FAAP100: variants seen among roughly 807,000 people sequenced by gnomAD.
FAAP100 encodes the protein Fanconi anemia core complex-associated protein 100.
A neutral mutation model predicts 65.8 loss-of-function variants in FAAP100; 46 were observed. The ratio of observed to expected loss-of-function variants is 0.70; its 90% CI spans 0.55 to 0.89. The LOEUF is 0.89. Ranked by LOEUF, FAAP100 falls within the 40% of genes least tolerant of loss-of-function variation. The probability of loss-of-function intolerance (pLI) is 0.00; values close to 1 mark genes in which losing one functional copy is unlikely to be tolerated. For missense variants in FAAP100, 1,165 were observed against 1,196.7 expected, an observed-to-expected ratio of 0.97 and a Z score of 0.39; for synonymous variants, 663 against 555.1, an observed-to-expected ratio of 1.19 and a Z score of -2.73.
chr17:81,541,492 G>GCTGC, intron 7 of FAAP100, 97 bp from the exon 8 acceptor site: 1 of 1,077,350 alleles, frequency 9.3e-7, no homozygotes, highest in Non-Finnish European at 1.4e-6. Flanking sequence ...GCTGCCTGGT[G>GCTGC]CTGCCTCCCT....
chr17:81,543,368 C>A (rs1466565201), intron 7 of FAAP100, among the ~76,000 whole-genome samples: 7 of 152,184 alleles, frequency 4.6e-5, no homozygotes, highest in African/African-American at 7.2e-5. Flanking sequence ...TGCAGACCCA[C>A]CATATGGGCC....
At chr17:81,543,074 T>C (rs1237203931) in intron 7 of FAAP100, among the ~76,000 whole-genome samples, 1 of 152,212 alleles carries the variant, frequency 6.6e-6, no homozygotes, top group Non-Finnish European at 1.5e-5. Flanking sequence ...ACAGGGTCCT[T>C]GCACCAAATG....
rs756218159 is a variant in FAAP100, at chr17:81,547,089, C to A, written c.1993G>T (p.Ala665Ser). The A allele has an allele frequency of 7.2e-6, 11 of 1,533,138 alleles. No individual in the cohort carries two copies. The African/African-American group carries it at 1.1e-4, about 15-fold the overall frequency. 95.0% of individuals were successfully genotyped at this position (1,533,138 alleles called of 1,614,324 possible). A position where few individuals can be genotyped will look rare whatever the true frequency, so the allele number is the denominator to read the frequency against. Reference sequence around the variant, plus strand: ...CGGGTGGGGCCGAGTGGGGAGGGGGCCCGTGTGTGTGGCGGGGCCAGGCCA... The same window carrying A: ...CGGGTGGGGCCGAGTGGGGAGGGGGACCGTGTGTGTGGCGGGGCCAGGCCA... ...FPGLAPPHTR[A>S]PSPLGPTRDP... The change falls in exon 5 of 9, where the codon GCC (alanine) becomes TCC (serine). Residue 665 changes from alanine (A) to serine (S), a missense_variant. By Grantham distance (99) the Ala-to-Ser change is moderately conservative (BLOSUM62 1). Coordinates refer to ENST00000327787, the MANE Select transcript of FAAP100 (RefSeq NM_025161.6).
intron 8 of FAAP100, 69 bp from the exon 9 acceptor site, chr17:81,541,019 G>T (rs2033074796): frequency 1.4e-6 from 2 of 1,481,212 alleles, no homozygotes; most frequent in African/African-American, 2.8e-5. Context: ...TACCTCTGGG[G>T]GACCCACCAC....
At chr17:81,544,547 G>C (rs2033229093) in intron 6 of FAAP100, among the ~76,000 whole-genome samples, 1 of 152,232 alleles carries the variant, frequency 6.6e-6, no homozygotes, top group African/African-American at 2.4e-5. Context: ...TCTGGCAGCA[G>C]GGTTAGGGCA....
chr17:81,541,164 C>A, intron 8 of FAAP100, 145 bp downstream of exon 8: 1 of 1,108,158 alleles, frequency 9.0e-7, no homozygotes, highest in Non-Finnish European at 1.3e-6. Flanking sequence ...GAGCCATGGC[C>A]GCTCGGACTT....
intron 2 of FAAP100, among the ~76,000 whole-genome samples, chr17:81,551,528 C>T (rs886951492): frequency 6.6e-6 from 1 of 152,222 alleles, no homozygotes; most frequent in Non-Finnish European, 1.5e-5. Context: ...TGAAGACAGG[C>T]CTGGCTGCCC....
At chr17:81,544,176 G>T in intron 6 of FAAP100, 56 bp from the exon 7 acceptor site, 2 of 1,442,618 alleles carry the variant, frequency 1.4e-6, no homozygotes, top group Non-Finnish European at 1.9e-6. Flanking sequence ...CTGCCCGGGG[G>T]GCTCAGGCTA....
Position 81,547,675 on chromosome 17 carries a change from C to T in FAAP100, c.1407G>A (p.Val469=), listed in dbSNP as rs144435855. 1.2e-6 allele frequency: 2 copies of T among 1,609,748 alleles called. No homozygotes were observed. The highest frequency in any genetic ancestry group is 2.7e-5 in the African/African-American group (2 of 74,894). The change falls in exon 5 of 9, where the codon GTG becomes GTA. Residue 469 remains valine (V), a synonymous_variant. Coordinates refer to ENST00000327787, the MANE Select transcript of FAAP100 (RefSeq NM_025161.6). Reference sequence around the variant, plus strand: ...GGTCAACCGCCTTCTTTAGAAAAGACACTCTGCGAAGGACAGACATGACCC... The same window carrying T: ...GGTCAACCGCCTTCTTTAGAAAAGATACTCTGCGAAGGACAGACATGACCC... ...LSGIGNISER[V]SFLKKAVDQR...
intron 3 of FAAP100, 93 bp from the exon 4 acceptor site, chr17:81,549,455 T>C (rs984326896): frequency 1.4e-6 from 2 of 1,463,486 alleles, no homozygotes; most frequent in Non-Finnish European, 1.8e-6. Context: ...AGGAAAGAAG[T>C]TGGAAGACGG....
At chr17:81,548,171 C>T (rs1598597174) in intron 4 of FAAP100, 1 of 595,158 alleles carries the variant, frequency 1.7e-6, no homozygotes, top group Non-Finnish European at 3.0e-6. Flanking sequence ...CCCTCGCTCT[C>T]GGGACCCCAG....
chr17:81,552,183 C>T lies in FAAP100; in HGVS notation c.148G>A (p.Glu50Lys). 2 of 1,498,000 alleles carry T rather than the reference C, an allele frequency of 1.3e-6. No individual in the cohort carries two copies. Among genetic ancestry groups the T allele is most frequent in the Non-Finnish European group, 1.8e-6 (2 of 1,130,534 alleles). 92.8% of individuals were successfully genotyped at this position (1,498,000 alleles called of 1,614,324 possible). The change falls in exon 1 of 9, where the codon GAG becomes AAG. Residue 50 changes from glutamate to lysine, a missense_variant. Physicochemically the swap from Glu to Lys is moderately conservative, Grantham distance 56. Coordinates refer to ENST00000327787, the MANE Select transcript of FAAP100 (RefSeq NM_025161.6). ...GSELVYVYDQ[E>K]GGLLTAAFRF... ...GCGCTCACGGTCAGCAGCCCGCCCT[C>T]CTGGTCGTACACGTAGACGAGCTCG...
At chr17:81,541,272 C>T in intron 8 of FAAP100, 37 bp downstream of exon 8, 1 of 1,576,684 alleles carries the variant, frequency 6.3e-7, no homozygotes, top group Non-Finnish European at 8.7e-7. Flanking sequence ...CCTGGCTACC[C>T]AGGGGAAGGG....
In FAAP100 at chr17:81,550,514, C is replaced by G; in HGVS notation, c.980G>C (p.Ser327Thr). 12 of 1,612,866 alleles carry G rather than the reference C, an allele frequency of 7.4e-6. No individual in the cohort carries two copies. Among genetic ancestry groups the G allele is most frequent in the Non-Finnish European group, 9.3e-6 (11 of 1,180,014 alleles). Residue 327 changes from serine (S) to threonine (T), a missense_variant, in exon 3 of 9, where the codon AGC becomes ACC. Transcript: ENST00000327787. ...HHGRMLAIKASWDESGKLVPE... is the reference protein window; with the variant it reads ...HHGRMLAIKATWDESGKLVPE... ...CACCAGCTTCCCGGACTCATCCCAGCTGGCCTTGATGGCCAGCATCCGGCC... is the reference window on the plus strand; with the variant it reads ...CACCAGCTTCCCGGACTCATCCCAGGTGGCCTTGATGGCCAGCATCCGGCC...
Position 81,547,073 on chromosome 17 carries a change from C to T in FAAP100, c.2009G>A (p.Gly670Asp). 1 of 1,543,192 alleles carries T rather than the reference C, an allele frequency of 6.5e-7. No homozygotes were observed. Among genetic ancestry groups the T allele is most frequent in the Non-Finnish European group, 8.7e-7 (1 of 1,145,152 alleles). ...PPHTRAPSPL[G>D]PTRDPVATFL... The stretch of plus-strand genomic sequence containing the variant: ...AGTGGCCACAGGGTCTCGGGTGGGG[C>T]CGAGTGGGGAGGGGGCCCGTGTGTG... The change falls in exon 5 of 9, where the codon GGC becomes GAC. Residue 670 changes from glycine (G) to aspartate (D), a missense_variant. Transcript: ENST00000327787.
chr17:81,546,034 G>T, intron 5 of FAAP100, 152 bp from the exon 6 acceptor site: 1 of 1,075,296 alleles, frequency 9.3e-7, no homozygotes, highest in Non-Finnish European at 1.3e-6. Context: ...CCTAAGCTGC[G>T]GCGTGGCCAG....
intron 6 of FAAP100, among the ~76,000 whole-genome samples, chr17:81,544,487 C>T (rs1046868950): frequency 6.6e-6 from 1 of 152,194 alleles, no homozygotes; most frequent in East Asian, 1.9e-4. Context: ...TCCTGCCACG[C>T]CCTTGGGGGG....
rs1436901514 is a variant in FAAP100 at position 81,540,687 on chromosome 17, C to T, written c.*132G>A. The T allele has an allele frequency of 9.1e-6, 11 of 1,212,876 alleles. No homozygotes were observed. The highest frequency in any genetic ancestry group is 1.2e-5 in the Non-Finnish European group (11 of 916,640). The allele number at this position is 1,212,876 out of a possible 1,614,324, so 75.1% of individuals were successfully genotyped here. A position where few individuals can be genotyped will look rare whatever the true frequency, so the allele number is the denominator to read the frequency against. On this transcript the variant is annotated 3_prime_UTR_variant, in exon 9 of 9. Coordinates refer to ENST00000327787, the MANE Select transcript of FAAP100 (RefSeq NM_025161.6). ...AAGCACTTTCATGAGCGTTCTGCTC[C>T]TACGTGGCCAGGTCCTACCTTCCCT... is the stretch of plus-strand genomic sequence containing the variant.
rs2033452646 is a variant in FAAP100 at position 81,550,536 on chromosome 17, G to A, written c.958C>T (p.Arg320Trp). The A allele has an allele frequency of 7.4e-6, 12 of 1,612,744 alleles. No individual in the cohort carries two copies. Among genetic ancestry groups the A allele is most frequent in the South Asian group, 1.1e-5 (1 of 91,092 alleles). ...CAGCTGGCCTTGATGGCCAGCATCCGGCCGTGGTGACCAAAGGCCACCAGG... is the reference window on the plus strand; with the variant it reads ...CAGCTGGCCTTGATGGCCAGCATCCAGCCGTGGTGACCAAAGGCCACCAGG... ...DCLVAFGHHGRMLAIKASWDE... is the reference protein window; with the variant it reads ...DCLVAFGHHGWMLAIKASWDE... The change falls in exon 3 of 9, where the codon CGG becomes TGG. Residue 320 changes from arginine to tryptophan, a missense_variant. Arg to Trp is a moderately radical substitution (Grantham distance 101, BLOSUM62 -3). Transcript: ENST00000327787.
Sources: gnomAD v4.1 joint callset for allele counts (sites outside exome capture counted in the v4.1 genomes callset) on GRCh38, gnomAD v4.1.1 for gene constraint, MANE v1.5 for transcripts, NCBI Gene and HGNC (gene_info 2026-07-23, HGNC 2026-07-21) for gene names.